The following TAF3 variants were observed in gnomAD, a reference collection of about 807,000 sequenced individuals.
The protein encoded by TAF3 is TATA-box binding protein associated factor 3.
Under a neutral mutation model 80.6 loss-of-function variants are expected in TAF3, and 7 were observed. That is an observed-to-expected ratio of 0.09 (90% CI 0.05 to 0.16). The LOEUF (loss-of-function observed/expected upper bound fraction) is 0.16, where lower values mean the gene tolerates loss of function less well. Among genes scored for constraint, TAF3 ranks in the 10% least tolerant of loss-of-function variants. The probability of loss-of-function intolerance (pLI) is 1.00; values close to 1 mark genes in which losing one functional copy is unlikely to be tolerated. For missense variants in TAF3, 921 were observed against 1,140.2 expected (o/e 0.81, Z 2.77); for synonymous variants, 444 against 446.1 (o/e 1.00, Z 0.06).
At chr10:7,934,078 T>A (rs534077099) in intron 2 of TAF3, among the ~76,000 whole-genome samples, 11 of 152,322 alleles carry the variant, frequency 7.2e-5, no homozygotes, top group Non-Finnish European at 1.3e-4. Context: ...GCGTAGAGAT[T>A]GATACTGTGA....
At chr10:7,899,872 A>G (rs1837542375) in intron 2 of TAF3, among the ~76,000 whole-genome samples, 1 of 152,206 alleles carries the variant, frequency 6.6e-6, no homozygotes, top group Non-Finnish European at 1.5e-5. Flanking sequence ...AAATACTAAG[A>G]AAATGTAAAC....
At chr10:7,992,961 A>C (rs1014239022) in intron 4 of TAF3, among the ~76,000 whole-genome samples, 1 of 152,212 alleles carries the variant, frequency 6.6e-6, no homozygotes, top group African/African-American at 2.4e-5. Context: ...AACTCTAAAA[A>C]TATGGTTATT....
chr10:8,004,056 A>G (rs1831969988), intron 4 of TAF3, among the ~76,000 whole-genome samples: 1 of 151,594 alleles, frequency 6.6e-6, no homozygotes, highest in African/African-American at 2.4e-5. Context: ...ATTTTATTTT[A>G]TTTATTTTTT....
At chr10:7,849,425 C>G (rs1226973533) in intron 2 of TAF3, among the ~76,000 whole-genome samples, 2 of 152,030 alleles carry the variant, frequency 1.3e-5, no homozygotes, top group Non-Finnish European at 2.9e-5. Context: ...TGGTGTCATC[C>G]TGTAGATCTT....
chr10:7,990,957 G>A (rs1027175634), intron 4 of TAF3, among the ~76,000 whole-genome samples: 1 of 152,214 alleles, frequency 6.6e-6, no homozygotes, highest in Non-Finnish European at 1.5e-5. Flanking sequence ...GCAGAACCTG[G>A]AGGAGACAGA....
Position 7,818,788 on chromosome 10 carries a change from C to T in TAF3, c.79C>T (p.Gln27Ter). The change falls in exon 1 of 7, where the codon CAG becomes TAG. Residue 27 changes from glutamine to a stop codon, truncating the protein, a stop_gained. Transcript: ENST00000344293. LOFTEE classifies it high-confidence loss of function. ...ICQALGWDSV[Q>*]LSACHLLTDV... The stretch of plus-strand genomic sequence containing the variant: ...CCAGGCGCTGGGCTGGGACTCGGTG[C>T]AGCTCAGCGCCTGCCACCTCCTCAC... The T allele has an allele frequency of 6.4e-7, 1 of 1,573,566 alleles. No homozygotes were observed. The highest frequency in any genetic ancestry group is 1.1e-5 in the South Asian group (1 of 88,562).
At chr10:7,893,347 CT>C (rs1837475997) in intron 2 of TAF3, among the ~76,000 whole-genome samples, 1 of 152,004 alleles carries the variant, frequency 6.6e-6, no homozygotes, top group South Asian at 2.1e-4. Context: ...AAATCTGTGC[CT>C]TTGGATTTGG....
intron 2 of TAF3, among the ~76,000 whole-genome samples, chr10:7,904,673 A>T (rs1837590618): frequency 6.6e-6 from 1 of 152,208 alleles, no homozygotes; most frequent in African/African-American, 2.4e-5. Context: ...CCCAGCACAC[A>T]TTGCAACTGG....
In TAF3 at chr10:7,907,400, TA is replaced by T. The variant is rs574739671; in HGVS notation, c.410-56519del. On this transcript the variant is annotated intron_variant, in intron 2 of 6. Coordinates refer to ENST00000344293, the MANE Select transcript of TAF3 (RefSeq NM_031923.4). Reference sequence around the variant, plus strand: ...TAAAAAACAAATGGGCATTTAGATTTATTTTTTTGTATTTAATTTATATTAG... The same window carrying T: ...TAAAAAACAAATGGGCATTTAGATTTTTTTTTTGTATTTAATTTATATTAG... 1.9e-4 allele frequency among the ~76,000 whole-genome samples: 29 copies of T among 152,186 alleles called. No homozygotes were observed. In the East Asian group the frequency reaches 2.1e-3, roughly 11 times the overall value.
Position 8,013,778 on chromosome 10 carries a change from C to T in TAF3, c.2616C>T (p.Asn872=). 3 of 1,614,112 alleles carry T rather than the reference C, an allele frequency of 1.9e-6. No homozygotes were observed. Among genetic ancestry groups the T allele is most frequent in the Non-Finnish European group, 2.5e-6 (3 of 1,180,018 alleles). The change falls in exon 6 of 7, where the codon AAC becomes AAT. Residue 872 remains asparagine, a synonymous_variant. Transcript: ENST00000344293. ...AGATCTGGATCTGCCCTGGGTGTAACAAGCCTGACGATGGGAGTCCCATGA... is the reference window on the plus strand; with the variant it reads ...AGATCTGGATCTGCCCTGGGTGTAATAAGCCTGACGATGGGAGTCCCATGA... ...GNQIWICPGC[N]KPDDGSPMIG... is the part of the protein sequence containing the mutation.
intron 2 of TAF3, among the ~76,000 whole-genome samples, chr10:7,902,595 T>C (rs1336242982): frequency 6.6e-6 from 1 of 152,148 alleles, no homozygotes; most frequent in African/African-American, 2.4e-5. Context: ...AGGAGGCGTA[T>C]AATGTCAGGC....
intron 2 of TAF3, among the ~76,000 whole-genome samples, chr10:7,841,258 G>T (rs1003480232): frequency 6.6e-6 from 1 of 152,144 alleles, no homozygotes; most frequent in Non-Finnish European, 1.5e-5. Context: ...CAAAATAATT[G>T]TTTCCTTCCT....
At chr10:7,936,950 C>T (rs1329327078) in intron 2 of TAF3, among the ~76,000 whole-genome samples, 2 of 152,022 alleles carry the variant, frequency 1.3e-5, no homozygotes, top group Non-Finnish European at 2.9e-5. Context: ...ATGTGGCCTT[C>T]TCAGTTTGAC....
rs1831558057 is a variant in TAF3, at chr10:7,965,226, A to C, written c.1716A>C (p.Thr572=). ...KEKDKETGRE[T]KYPWKEFLKE... is the part of the protein sequence containing the mutation. ...AAGACAAGGAAACTGGCAGGGAAAC[A>C]AAGTATCCCTGGAAGGAATTTCTTA... The change falls in exon 3 of 7, where the codon ACA becomes ACC. Residue 572 remains threonine, a synonymous_variant. Coordinates refer to ENST00000344293, the MANE Select transcript of TAF3 (RefSeq NM_031923.4). 1 of 1,607,958 alleles carries C rather than the reference A, an allele frequency of 6.2e-7. No individual in the cohort carries two copies.
intron 2 of TAF3, among the ~76,000 whole-genome samples, chr10:7,878,348 A>G (rs1837329067): frequency 6.6e-6 from 1 of 152,214 alleles, no homozygotes; most frequent in African/African-American, 2.4e-5. Context: ...TGTGAAAAAC[A>G]TCTCTCCTCC....
At chr10:7,952,288 C>T (rs1165864711) in intron 2 of TAF3, among the ~76,000 whole-genome samples, 2 of 152,060 alleles carry the variant, frequency 1.3e-5, no homozygotes. Flanking sequence ...CACCATATTA[C>T]CATAGCCAGG....
chr10:7,967,978 T>C (rs1831588881), intron 3 of TAF3, among the ~76,000 whole-genome samples: 1 of 152,164 alleles, frequency 6.6e-6, no homozygotes, highest in African/African-American at 2.4e-5. Context: ...GAAATTGGGA[T>C]AGTAACATAA....
chr10:7,900,456 C>T (rs1051950383), intron 2 of TAF3, among the ~76,000 whole-genome samples: 3 of 152,134 alleles, frequency 2.0e-5, no homozygotes, highest in African/African-American at 7.2e-5. Flanking sequence ...ACTGCTACTC[C>T]TCGGTGGATG....
At chr10:7,840,890 C>G (rs1430127626) in intron 2 of TAF3, among the ~76,000 whole-genome samples, 1 of 151,342 alleles carries the variant, frequency 6.6e-6, no homozygotes, top group Non-Finnish European at 1.5e-5. Flanking sequence ...GCTCTTGTTG[C>G]CCAGGCTGGC....
Sources: gnomAD v4.1 joint callset for allele counts (sites outside exome capture counted in the v4.1 genomes callset) on GRCh38, gnomAD v4.1.1 for gene constraint, MANE v1.5 for transcripts, NCBI Gene and HGNC (gene_info 2026-07-23, HGNC 2026-07-21) for gene names.